EIF4G3: variants seen among roughly 807,000 people sequenced by gnomAD.
EIF4G3 encodes the protein eIF-4-gamma 3.
EIF4G3 carries 34 observed loss-of-function variants against 186.4 expected under a neutral mutation model. That is an observed-to-expected ratio of 0.18 (90% confidence interval 0.14 to 0.24). The LOEUF (loss-of-function observed/expected upper bound fraction) is 0.24, where lower values mean the gene tolerates loss of function less well. EIF4G3 is among the 10% of genes least tolerant of loss of function. The pLI is 1.00. For synonymous variants in EIF4G3, 673 were observed against 679.5 expected, an observed-to-expected ratio of 0.99 and a Z score of 0.15; for missense variants, 1,536 against 1,948.5, an observed-to-expected ratio of 0.79 and a Z score of 3.99.
At position 20,862,008 on chromosome 1, in the gene EIF4G3, A is replaced by G. The variant is rs114848760; in HGVS notation, c.3111+220T>C. 7.1e-3 allele frequency among the ~76,000 whole-genome samples: 1,080 copies of G among 152,154 alleles called. 8 individuals are homozygous for G. The highest frequency in any genetic ancestry group is 0.01 in the Non-Finnish European group (683 of 67,968). ...AACAAAGCGCAAACAAAATTGCAAT[A>G]TGGTTTGATAATCAGAATAAGGAGA... On this transcript the variant is annotated intron_variant, in intron 23 of 36. Transcript: ENST00000602326.
rs1446840941 is a variant in EIF4G3, at chr1:21,077,977, T to C, written c.-196+11161A>G. ...TGGGAACATAAGTTAGTAAGGCCAC[T>C]AAGGAGAACAGTATAAAGGTTCGTG... On this transcript the variant is annotated intron_variant, in intron 3 of 36. Transcript: ENST00000602326. 2.0e-5 allele frequency among the ~76,000 whole-genome samples: 3 copies of C among 150,572 alleles called. No homozygotes were observed. The East Asian group carries it at 5.8e-4, about 29-fold the overall frequency.
At chr1:21,110,070 G>A (rs1411444892) in intron 2 of EIF4G3, among the ~76,000 whole-genome samples, 1 of 152,098 alleles carries the variant, frequency 6.6e-6, no homozygotes, top group Non-Finnish European at 1.5e-5. Flanking sequence ...TTACAGGCAT[G>A]AGCCGCCACA....
At chr1:21,106,997 C>T (rs1212423070) in intron 2 of EIF4G3, among the ~76,000 whole-genome samples, 1 of 152,138 alleles carries the variant, frequency 6.6e-6, no homozygotes, top group African/African-American at 2.4e-5. Flanking sequence ...CTACTGTACT[C>T]TATACAATAT....
intron 2 of EIF4G3, among the ~76,000 whole-genome samples, chr1:21,173,181 C>G (rs1384078002): frequency 5.8e-5 from 6 of 103,752 alleles, no homozygotes; most frequent in Non-Finnish European, 1.0e-4. Flanking sequence ...GGGTTCCAAA[C>G]ATTTTCTAGA....
intron 7 of EIF4G3, among the ~76,000 whole-genome samples, chr1:20,992,980 C>A (rs2081441151): frequency 2.6e-5 from 4 of 152,098 alleles, no homozygotes; most frequent in Admixed American, 2.6e-4. Flanking sequence ...AGCATCAGTG[C>A]AAAAATAGTT....
intron 14 of EIF4G3, among the ~76,000 whole-genome samples, chr1:20,928,589 A>G (rs1277258750): frequency 6.6e-6 from 1 of 152,084 alleles, no homozygotes; most frequent in Non-Finnish European, 1.5e-5. Flanking sequence ...TTTTTAGTAG[A>G]GACAGGTTTC....
At chr1:21,111,554 C>T (rs939604950) in intron 2 of EIF4G3, 5 of 311,644 alleles carry the variant, frequency 1.6e-5, no homozygotes, top group East Asian at 8.1e-5. Flanking sequence ...AGAGCACCAA[C>T]GGATCTCCTA....
At chr1:20,931,581 T>C (rs2095312066) in intron 14 of EIF4G3, among the ~76,000 whole-genome samples, 1 of 152,140 alleles carries the variant, frequency 6.6e-6, no homozygotes, top group South Asian at 2.1e-4. Flanking sequence ...CAGCCTGTCT[T>C]TTGTAGCTTT....
intron 19 of EIF4G3, among the ~76,000 whole-genome samples, chr1:20,883,749 T>C (rs2083188914): frequency 6.6e-6 from 1 of 151,976 alleles, no homozygotes; most frequent in East Asian, 1.9e-4. Flanking sequence ...AGGAAGGAAT[T>C]GTTAATGAGG....
chr1:21,089,143 T>C lies in EIF4G3; in HGVS notation c.-201A>G, dbSNP rs1171773628. ...GACAACCTTCAGACACTCACCGTGC[T>C]GTAGACTGCTGAGACAGCGGGAGTG... On this transcript the variant is annotated 5_prime_UTR_variant, in exon 3 of 37. Transcript: ENST00000602326. 2.8e-6 allele frequency: 2 copies of C among 717,412 alleles called. No homozygotes were observed. Among genetic ancestry groups the C allele is most frequent in the Admixed American group, 2.0e-5 (1 of 50,010 alleles). 44.4% of individuals were successfully genotyped at this position (717,412 alleles called of 1,614,324 possible).
Position 20,896,994 on chromosome 1 carries a change from T to C in EIF4G3, c.2000-1493A>G, listed in dbSNP as rs150929209. ...CTCTTTTGTTTGCACAAGGAAGAAA[T>C]TGCCTAATGATGCATTTCTCAGAAC... On this transcript the variant is annotated intron_variant, in intron 16 of 36. Coordinates refer to ENST00000602326, the MANE Select transcript of EIF4G3 (RefSeq NM_001391906.1). Among the ~76,000 whole-genome samples, 69 of 152,252 alleles carry C rather than the reference T, an allele frequency of 4.5e-4. 1 individual carries two copies. The highest frequency in any genetic ancestry group is 1.5e-3 in the African/African-American group (61 of 41,544).
At chr1:20,955,514 C>A (rs1001141442) in intron 12 of EIF4G3, among the ~76,000 whole-genome samples, 2 of 152,128 alleles carry the variant, frequency 1.3e-5, no homozygotes, top group African/African-American at 4.8e-5. Flanking sequence ...AGATTACAGG[C>A]ATGAGCCATC....
chr1:21,110,244 C>T lies in EIF4G3; in HGVS notation c.-271-21031G>A, dbSNP rs539960826. On this transcript the variant is annotated intron_variant, in intron 2 of 36. Coordinates refer to ENST00000602326, the MANE Select transcript of EIF4G3 (RefSeq NM_001391906.1). Reference sequence around the variant, plus strand: ...TCTAACCAACATTCTACAGGGAGCTCTTATTTCAGCATCTAAATGCTATAA... The same window carrying T: ...TCTAACCAACATTCTACAGGGAGCTTTTATTTCAGCATCTAAATGCTATAA... Among the ~76,000 whole-genome samples, 4 of 151,840 alleles carry T rather than the reference C, an allele frequency of 2.6e-5. No individual in the cohort carries two copies. The South Asian group carries it at 8.3e-4, about 32-fold the overall frequency.
At chr1:21,025,013 G>A (rs1423844159) in intron 4 of EIF4G3, among the ~76,000 whole-genome samples, 1 of 152,162 alleles carries the variant, frequency 6.6e-6, no homozygotes, top group African/African-American at 2.4e-5. Context: ...CTCCAAAGGT[G>A]GCAGATCAAC....
At chr1:20,869,418 C>T (rs939234897) in intron 20 of EIF4G3, among the ~76,000 whole-genome samples, 4 of 148,204 alleles carry the variant, frequency 2.7e-5, no homozygotes, top group Non-Finnish European at 5.9e-5. Context: ...GTACCTGTCT[C>T]CTGAGTAGCT....
chr1:20,868,059 T>C (rs991963474), intron 20 of EIF4G3, among the ~76,000 whole-genome samples: 2 of 145,542 alleles, frequency 1.4e-5, no homozygotes, highest in African/African-American at 5.0e-5. Context: ...TGAGAACATA[T>C]CCTCTGAGAA....
intron 14 of EIF4G3, among the ~76,000 whole-genome samples, chr1:20,908,513 G>T (rs2092655078): frequency 6.6e-6 from 1 of 152,036 alleles, no homozygotes; most frequent in African/African-American, 2.4e-5. Flanking sequence ...TTTTTGATGT[G>T]TTACATCAAA....
chr1:21,160,484 T>C (rs1419851803), intron 2 of EIF4G3, among the ~76,000 whole-genome samples: 1 of 152,190 alleles, frequency 6.6e-6, no homozygotes, highest in Admixed American at 6.5e-5. Flanking sequence ...TCCCACAAGA[T>C]ACTTATCAAC....
chr1:20,895,547 A>G (rs1484386862), intron 16 of EIF4G3, 46 bp from the exon 17 acceptor site: 1 of 1,592,956 alleles, frequency 6.3e-7, no homozygotes, highest in Admixed American at 1.7e-5. Context: ...GGCATTATAT[A>G]CAGTCATGCA....
Sources: gnomAD v4.1 joint callset for allele counts (sites outside exome capture counted in the v4.1 genomes callset) on GRCh38, gnomAD v4.1.1 for gene constraint, MANE v1.5 for transcripts, NCBI Gene and HGNC (gene_info 2026-07-23, HGNC 2026-07-21) for gene names.